SLC44A5: variants seen among roughly 807,000 people sequenced by gnomAD.
SLC44A5 encodes the protein solute carrier family 44 member 5.
A neutral mutation model predicts 101.8 loss-of-function variants in SLC44A5; 57 were observed. The observed-to-expected ratio is 0.56, with a 90% CI of 0.45 to 0.70. SLC44A5 has a LOEUF of 0.70. Ranked by LOEUF, SLC44A5 falls within the 30% of genes least tolerant of loss-of-function variation. The probability of loss-of-function intolerance (pLI) is 0.00; values close to 1 mark genes in which losing one functional copy is unlikely to be tolerated. For missense variants in SLC44A5, 737 were observed against 853.1 expected, an observed-to-expected ratio of 0.86 and a Z score of 1.70; for synonymous variants, 281 against 290.9, an observed-to-expected ratio of 0.97 and a Z score of 0.35.
intron 2 of SLC44A5, among the ~76,000 whole-genome samples, chr1:75,477,903 G>A (rs553560315): frequency 0.017 from 2,601 of 151,906 alleles, 65 homozygotes; most frequent in African/African-American, 0.059. Context: ...TACAGAGAAC[G>A]CCACAAAGAT....
intron 2 of SLC44A5, among the ~76,000 whole-genome samples, chr1:75,531,677 A>G (rs1570542593): frequency 1.3e-5 from 2 of 152,340 alleles, no homozygotes. Context: ...GAAAATATTC[A>G]TATCTCCAAT....
intron 3 of SLC44A5, among the ~76,000 whole-genome samples, chr1:75,383,751 T>C (rs1010172016): frequency 2.0e-5 from 3 of 151,788 alleles, no homozygotes; most frequent in Non-Finnish European, 4.4e-5. Flanking sequence ...AGACACATAA[T>C]TGTCAGATTC....
chr1:75,261,303 T>A (rs1189878495), intron 6 of SLC44A5, among the ~76,000 whole-genome samples: 1 of 151,186 alleles, frequency 6.6e-6, no homozygotes, highest in African/African-American at 2.4e-5. Flanking sequence ...GAGAGAAGAA[T>A]CAAATAGACC....
rs190179674 is a variant in SLC44A5, at chr1:75,495,821, G to T, written c.13+45614C>A. Among the ~76,000 whole-genome samples the T allele has an allele frequency of 1.3e-3, 192 of 152,082 alleles. 1 individual carries two copies. The Middle Eastern group carries it at 0.034, about 27-fold the overall frequency. On this transcript the variant is annotated intron_variant, in intron 2 of 23. Coordinates refer to ENST00000370859, the MANE Select transcript of SLC44A5 (RefSeq NM_001130058.2). Reference sequence around the variant, plus strand: ...ATTTTTAAAATTTTTAGTTTTTGTGGGTATATAGGATGTGTATATACTTAA... The same window carrying T: ...ATTTTTAAAATTTTTAGTTTTTGTGTGTATATAGGATGTGTATATACTTAA...
chr1:75,699,460 T>A, the SLC44A5 span, among the ~76,000 whole-genome samples: 1 of 152,010 alleles, frequency 6.6e-6, no homozygotes, highest in African/African-American at 2.4e-5. Context: ...GCTGAGAGAT[T>A]TCGTCACCAC....
At chr1:75,400,084 C>T (rs149256388) in intron 2 of SLC44A5, among the ~76,000 whole-genome samples, 54 of 152,158 alleles carry the variant, frequency 3.5e-4, no homozygotes, top group Middle Eastern at 6.8e-3. Context: ...GCACAGAAAC[C>T]GAAAATCAAG....
At chr1:75,386,658 C>T (rs935457926) in intron 3 of SLC44A5, among the ~76,000 whole-genome samples, 1 of 152,082 alleles carries the variant, frequency 6.6e-6, no homozygotes, top group Admixed American at 6.6e-5. Context: ...AGATTCAATG[C>T]CATCCCTATC....
chr1:75,675,275 C>T, the SLC44A5 span, among the ~76,000 whole-genome samples: 2 of 152,142 alleles, frequency 1.3e-5, no homozygotes, highest in Non-Finnish European at 2.9e-5. Context: ...GTTGTGTCTT[C>T]TCTGATTTCC....
At chr1:75,318,089 C>T (rs1396382237) in intron 4 of SLC44A5, among the ~76,000 whole-genome samples, 1 of 152,076 alleles carries the variant, frequency 6.6e-6, no homozygotes, top group Non-Finnish European at 1.5e-5. Context: ...TAAATCTGCT[C>T]TATAGGGCTG....
intron 4 of SLC44A5, among the ~76,000 whole-genome samples, chr1:75,323,248 A>C (rs1386635856): frequency 6.6e-4 from 96 of 146,218 alleles, no homozygotes; most frequent in Admixed American, 1.5e-3. Flanking sequence ...AATTTCATCC[A>C]TGTCCCTACA....
intron 2 of SLC44A5, among the ~76,000 whole-genome samples, chr1:75,451,451 A>G (rs527498480): frequency 6.6e-6 from 1 of 152,232 alleles, no homozygotes; most frequent in East Asian, 1.9e-4. Flanking sequence ...AGCATTCTCT[A>G]CCATCGTACT....
At chr1:75,691,027 A>G in the SLC44A5 span, among the ~76,000 whole-genome samples, 1 of 151,874 alleles carries the variant, frequency 6.6e-6, no homozygotes, top group Non-Finnish European at 1.5e-5. Flanking sequence ...TGGAGGCCCC[A>G]AACCCTGTCA....
the SLC44A5 span, among the ~76,000 whole-genome samples, chr1:75,620,076 TG>T: frequency 2.0e-5 from 3 of 152,132 alleles, no homozygotes; most frequent in African/African-American, 4.8e-5. Context: ...ATTGACAACA[TG>T]TGGTGTTTGG....
the SLC44A5 span, among the ~76,000 whole-genome samples, chr1:75,661,122 A>G: frequency 3.3e-5 from 5 of 152,126 alleles, no homozygotes; most frequent in Non-Finnish European, 7.4e-5. Context: ...ACAGCTTAGT[A>G]CTTGCATACA....
chr1:75,648,993 G>A, the SLC44A5 span, among the ~76,000 whole-genome samples: 44 of 152,136 alleles, frequency 2.9e-4, no homozygotes, highest in African/African-American at 1.0e-3. Context: ...TATATCAAAT[G>A]TGATTGCAGT....
the SLC44A5 span, among the ~76,000 whole-genome samples, chr1:75,639,468 CT>C: frequency 6.6e-6 from 1 of 152,058 alleles, no homozygotes; most frequent in Non-Finnish European, 1.5e-5. Context: ...TCTAAGTAAA[CT>C]CAGCTCAGTT....
the SLC44A5 span, among the ~76,000 whole-genome samples, chr1:75,628,500 A>G: frequency 6.6e-6 from 1 of 152,196 alleles, no homozygotes; most frequent in Non-Finnish European, 1.5e-5. Context: ...AAACATTATG[A>G]CCTTTAATTT....
chr1:75,541,622 C>T (rs1467707204), intron 1 of SLC44A5, 106 bp from the exon 2 acceptor site: 14 of 608,592 alleles, frequency 2.3e-5, no homozygotes, highest in Admixed American at 9.1e-5. Context: ...AATTTACTCT[C>T]CCCAAAAACT....
At chr1:75,606,184 ACT>A (rs1675316339) in intron 1 of SLC44A5, among the ~76,000 whole-genome samples, 1 of 151,840 alleles carries the variant, frequency 6.6e-6, no homozygotes, top group Admixed American at 6.6e-5. Context: ...TGACTGGCAA[ACT>A]CTTGTCTTCT....
Sources: allele counts gnomAD v4.1 joint callset (sites outside exome capture counted in the v4.1 genomes callset), GRCh38; gene constraint gnomAD v4.1.1; transcripts MANE v1.5; gene names NCBI Gene and HGNC (gene_info 2026-07-23, HGNC 2026-07-21).